Variants in PRRG1 observed in about 807,000 individuals in gnomAD.
PRRG1 encodes proline rich and Gla domain 1.
A neutral mutation model predicts 11.8 loss-of-function variants in PRRG1; 5 were observed. The ratio of observed to expected loss-of-function variants is 0.42; its 90% CI spans 0.22 to 0.89. PRRG1 has a LOEUF of 0.89. PRRG1 is among the 40% of genes least tolerant of loss of function. The probability of loss-of-function intolerance (pLI) is 0.28; values close to 1 mark genes in which losing one functional copy is unlikely to be tolerated. For missense variants in PRRG1, 155 were observed against 166.1 expected (o/e 0.93, Z 0.37); for synonymous variants, 66 against 60.4 (o/e 1.09, Z -0.43).
chrX:37,437,300 C>T (rs1283288298), intron 3 of PRRG1, among the ~76,000 whole-genome samples: 3 of 110,521 alleles, frequency 2.7e-5, no homozygotes, highest in African/African-American at 9.9e-5. Context: ...CTTCTTCAGT[C>T]AGGGCGGGGG....
chrX:37,400,537 TCCAAAA>T (rs1267374375), intron 1 of PRRG1, among the ~76,000 whole-genome samples: 1 of 109,862 alleles, frequency 9.1e-6, no homozygotes, highest in African/African-American at 3.3e-5. Flanking sequence ...GCAGGAAAGA[TCCAAAA>T]TTGACACACT....
At chrX:37,387,726 CAT>C (rs782495017) in intron 1 of PRRG1, among the ~76,000 whole-genome samples, 3 of 111,065 alleles carry the variant, frequency 2.7e-5, no homozygotes, top group African/African-American at 9.8e-5. Context: ...AGATCCAAAC[CAT>C]ATCATTCTGG....
intron 1 of PRRG1, among the ~76,000 whole-genome samples, chrX:37,359,279 G>T (rs1930339976): frequency 9.1e-6 from 1 of 110,026 alleles, no homozygotes; most frequent in Non-Finnish European, 1.9e-5. Flanking sequence ...TTTTATAGAT[G>T]CCTTTTTCCA....
intron 2 of PRRG1, among the ~76,000 whole-genome samples, chrX:37,414,404 C>T (rs782383499): frequency 2.4e-4 from 27 of 112,161 alleles, no homozygotes; most frequent in African/African-American, 8.8e-4. Flanking sequence ...CTAGTCCTAT[C>T]ATCAAGTAGC....
At chrX:37,451,327 T>C (rs1347199838) in intron 3 of PRRG1, among the ~76,000 whole-genome samples, 1 of 112,782 alleles carries the variant, frequency 8.9e-6, no homozygotes, top group Non-Finnish European at 1.9e-5. Context: ...CCATTTTTGC[T>C]GTTTTTACAG....
At chrX:37,365,428 C>T (rs1365081576) in intron 1 of PRRG1, among the ~76,000 whole-genome samples, 3 of 111,750 alleles carry the variant, frequency 2.7e-5, no homozygotes, top group Admixed American at 1.9e-4. Context: ...TCATGATAAA[C>T]AGTTTGCTGT....
At chrX:37,401,090 T>C (rs1931959079) in intron 1 of PRRG1, among the ~76,000 whole-genome samples, 2 of 110,694 alleles carry the variant, frequency 1.8e-5, no homozygotes, top group Admixed American at 1.9e-4. Flanking sequence ...TCTGAAACTA[T>C]TCCAATCAAT....
intron 1 of PRRG1, among the ~76,000 whole-genome samples, chrX:37,405,423 C>G (rs781893239): frequency 3.6e-5 from 4 of 111,665 alleles, no homozygotes; most frequent in Non-Finnish European, 7.5e-5. Flanking sequence ...CTTTACCTTT[C>G]AGGCGCTTAG....
intron 3 of PRRG1, among the ~76,000 whole-genome samples, chrX:37,427,605 A>G (rs1556388802): frequency 8.9e-6 from 1 of 112,214 alleles, no homozygotes; most frequent in Non-Finnish European, 1.9e-5. Flanking sequence ...ACTGTTTGCT[A>G]CTTCTCATTT....
At chrX:37,435,041 G>T in intron 3 of PRRG1, among the ~76,000 whole-genome samples, 1 of 111,861 alleles carries the variant, frequency 8.9e-6, no homozygotes, top group Middle Eastern at 4.6e-3. Flanking sequence ...CCAGATCTGG[G>T]TTTCTAATTC....
At chrX:37,427,016 A>T (rs1257687340) in intron 3 of PRRG1, among the ~76,000 whole-genome samples, 1 of 111,878 alleles carries the variant, frequency 8.9e-6, no homozygotes, top group East Asian at 2.8e-4. Flanking sequence ...GAAAAATAGG[A>T]TTGTAGTAGA....
At chrX:37,438,197 C>A (rs1399061160) in intron 3 of PRRG1, among the ~76,000 whole-genome samples, 1 of 110,147 alleles carries the variant, frequency 9.1e-6, no homozygotes. Context: ...GGTGACAGAG[C>A]AAGACTCCAT....
intron 1 of PRRG1, among the ~76,000 whole-genome samples, chrX:37,362,285 CTA>C (rs1930437588): frequency 8.9e-6 from 1 of 111,775 alleles, no homozygotes; most frequent in Non-Finnish European, 1.9e-5. Context: ...ATTCTCTAAA[CTA>C]TGAATGTTAA....
intron 1 of PRRG1, among the ~76,000 whole-genome samples, chrX:37,375,208 T>C: frequency 1.8e-5 from 2 of 111,412 alleles, no homozygotes; most frequent in Non-Finnish European, 3.8e-5. Context: ...TCTCAATCTT[T>C]TAGTGAGCCT....
chrX:37,393,755 G>A (rs1446406106), intron 1 of PRRG1, among the ~76,000 whole-genome samples: 1 of 112,260 alleles, frequency 8.9e-6, no homozygotes, highest in Non-Finnish European at 1.9e-5. Context: ...GGCAGGGATC[G>A]CAGATGCCTT....
At position 37,425,849 on chromosome X, in the gene PRRG1, C is replaced by T. The variant is rs782396046; in HGVS notation, c.20C>T (p.Thr7Met). The T allele has an allele frequency of 4.0e-5, 47 of 1,177,108 alleles. No homozygotes were observed. The South Asian group carries it at 6.4e-4, about 16-fold the overall frequency. Reference protein sequence around the residue: MGRVFLTGEKANSILKR... With the variant: MGRVFLMGEKANSILKR... ...TTATATTTCTTTTTAGTTTTCCTCA[C>T]GGGAGAAAAAGCCAATTCCATATTA... is the stretch of plus-strand genomic sequence containing the variant. The change falls in exon 3 of 4, where the codon ACG becomes ATG. Residue 7 changes from threonine to methionine, a missense_variant. Thr to Met is a moderately conservative substitution (Grantham distance 81, BLOSUM62 -1). Transcript: ENST00000378628.
intron 3 of PRRG1, among the ~76,000 whole-genome samples, chrX:37,439,707 C>A (rs144309277): frequency 9.0e-6 from 1 of 110,938 alleles, no homozygotes; most frequent in African/African-American, 3.3e-5. Flanking sequence ...CTTATTCAAG[C>A]TCAGATATGA....
intron 1 of PRRG1, among the ~76,000 whole-genome samples, chrX:37,377,505 A>G (rs1348835033): frequency 8.9e-6 from 1 of 112,157 alleles, no homozygotes; most frequent in Non-Finnish European, 1.9e-5. Flanking sequence ...GAATTATAAA[A>G]TCCTCAAAAT....
At chrX:37,387,374 A>C (rs903626344) in intron 1 of PRRG1, among the ~76,000 whole-genome samples, 4 of 111,739 alleles carry the variant, frequency 3.6e-5, no homozygotes, top group East Asian at 5.6e-4. Flanking sequence ...AGAAATACCC[A>C]AGACTGGGTA....
Sources: allele counts gnomAD v4.1 joint callset (sites outside exome capture counted in the v4.1 genomes callset), GRCh38; gene constraint gnomAD v4.1.1; transcripts MANE v1.5; gene names NCBI Gene and HGNC (gene_info 2026-07-23, HGNC 2026-07-21).